Variants in VPS13C observed in about 807,000 individuals in gnomAD.
VPS13C encodes intermembrane lipid transfer protein VPS13C.
In VPS13C, 358 loss-of-function variants were observed where a neutral mutation model predicts 456.8. The observed-to-expected ratio is 0.78, with a 90% CI of 0.72 to 0.86. VPS13C has a LOEUF of 0.86. Among genes scored for constraint, VPS13C ranks in the 40% least tolerant of loss-of-function variants. The pLI is 0.00. For missense variants in VPS13C, 4,818 were observed against 4,385.4 expected (o/e 1.10, Z -2.79); for synonymous variants, 1,578 against 1,486.7 (o/e 1.06, Z -1.41).
In VPS13C at chr15:62,013,970, G is replaced by T. The variant is rs1002597019; in HGVS notation, c.707C>A (p.Pro236Gln). The T allele has an allele frequency of 1.9e-6, 3 of 1,610,210 alleles. No individual in the cohort carries two copies. The highest frequency in any genetic ancestry group is 2.7e-5 in the African/African-American group (2 of 74,758). The change falls in exon 10 of 85, where the codon CCA becomes CAA. Residue 236 changes from proline to glutamine, a missense_variant. This residue lies in a region of VPS13C where 4,552 missense variants were observed against 4,130.6 expected (regional missense o/e 1.10). Coordinates refer to ENST00000644861, the MANE Select transcript of VPS13C (RefSeq NM_020821.3). Reference sequence around the variant, plus strand: ...TTTGTCTGCTTCATTTAATATGCATGGAGTCCAGTGTTCATTTGCAGTCTA... The same window carrying T: ...TTTGTCTGCTTCATTTAATATGCATTGAGTCCAGTGTTCATTTGCAGTCTA... ...SLLTANEHWT[P>Q]CILNEADKII... is the part of the protein sequence containing the mutation.
At position 61,878,766 on chromosome 15, in the gene VPS13C, C is replaced by A. The variant is rs760165282; in HGVS notation, c.10003-20G>T. ...ATGCAACTAAAAGAAAAATAATGTT[C>A]AATAAATGAAAGCTAAAAGTGAAAA... On this transcript the variant is annotated intron_variant, in intron 73 of 84. Coordinates refer to ENST00000644861, the MANE Select transcript of VPS13C (RefSeq NM_020821.3). The A allele has an allele frequency of 6.3e-7, 1 of 1,589,968 alleles. No individual in the cohort carries two copies. The highest frequency in any genetic ancestry group is 8.6e-7 in the Non-Finnish European group (1 of 1,169,538).
chr15:62,035,238 GAATAGTCA>G (rs1567134057), intron 3 of VPS13C, among the ~76,000 whole-genome samples, 186 bp from the exon 4 acceptor site: 3 of 151,758 alleles, frequency 2.0e-5, no homozygotes, highest in African/African-American at 7.3e-5. Flanking sequence ...ACTATTAAGT[GAATAGTCA>G]CATTGTAATT....
chr15:61,904,700 T>G (rs563286234), intron 66 of VPS13C, among the ~76,000 whole-genome samples: 1 of 152,112 alleles, frequency 6.6e-6, no homozygotes, highest in Admixed American at 6.5e-5. Flanking sequence ...TGCAACACTA[T>G]TCACAATAGC....
intron 9 of VPS13C, among the ~76,000 whole-genome samples, chr15:62,016,782 T>C (rs2140538899): frequency 6.6e-6 from 1 of 152,288 alleles, no homozygotes; most frequent in South Asian, 2.1e-4. Context: ...TTTGGGTATA[T>C]ACCCAGTAAT....
chr15:61,983,635 T>C (rs2045950688), intron 20 of VPS13C, 185 bp downstream of exon 20: 3 of 579,080 alleles, frequency 5.2e-6, no homozygotes, highest in African/African-American at 3.8e-5. Context: ...GGGAAAAATG[T>C]ATTGCATATG....
At chr15:61,960,477 T>C (rs1254489028) in intron 35 of VPS13C, among the ~76,000 whole-genome samples, 1 of 152,170 alleles carries the variant, frequency 6.6e-6, no homozygotes, top group East Asian at 1.9e-4. Context: ...TTGACTGAAT[T>C]TCAGATTATA....
chr15:61,875,390 T>A (rs924885013), intron 76 of VPS13C, among the ~76,000 whole-genome samples: 23 of 151,968 alleles, frequency 1.5e-4, no homozygotes, highest in African/African-American at 5.6e-4. Context: ...GGGGAATAGG[T>A]TAGATGACAG....
intron 15 of VPS13C, among the ~76,000 whole-genome samples, chr15:62,003,279 C>A (rs1039537583): frequency 9.9e-5 from 15 of 151,072 alleles, no homozygotes; most frequent in African/African-American, 3.5e-4. Context: ...CTCTTTGAAT[C>A]AATTGTGAAT....
intron 74 of VPS13C, among the ~76,000 whole-genome samples, chr15:61,877,551 A>G (rs1895539948): frequency 6.6e-6 from 1 of 151,500 alleles, no homozygotes; most frequent in African/African-American, 2.4e-5. Context: ...TAATGATGCC[A>G]TGCGTATGTT....
chr15:62,037,466 T>TATATTA, intron 3 of VPS13C, among the ~76,000 whole-genome samples: 2 of 109,236 alleles, frequency 1.8e-5, no homozygotes, highest in African/African-American at 5.0e-5. Flanking sequence ...AAATATAATA[T>TATATTA]AATAAATTTA....
In VPS13C at chr15:61,881,792, C is replaced by A. The variant is rs375216345; in HGVS notation, c.9661G>T (p.Val3221Leu). 9 of 1,604,432 alleles carry A rather than the reference C, an allele frequency of 5.6e-6. No homozygotes were observed. In the East Asian group the frequency reaches 2.0e-4, roughly 36 times the overall value. Residue 3221 changes from valine to leucine, a missense_variant, in exon 70 of 85, where the codon GTA (valine) becomes TTA (leucine). Val to Leu is a conservative substitution (Grantham distance 32). Around this residue, in one of 3 missense-constraint regions of VPS13C, gnomAD observed 4,552 missense variants for 4,130.6 expected, o/e 1.10. Coordinates refer to ENST00000644861, the MANE Select transcript of VPS13C (RefSeq NM_020821.3). ...NQLPGAMFPV[V>L]FHPVAPPKSI... ...TTTGGAGGGGCAACAGGATGAAATA[C>A]AACAGGGAACATTGCACCTGGTAAC...
intron 12 of VPS13C, 78 bp downstream of exon 12, chr15:62,012,029 C>A: frequency 1.1e-6 from 1 of 895,836 alleles, no homozygotes; most frequent in Non-Finnish European, 1.7e-6. Flanking sequence ...GTAAGTTTAT[C>A]AGAAAACTAT....
At position 61,919,345 on chromosome 15, in the gene VPS13C, C is replaced by T. The variant is rs777308563; in HGVS notation, c.7582G>A (p.Val2528Ile). The change falls in exon 58 of 85, where the codon GTA (valine) becomes ATA (isoleucine). Residue 2528 changes from valine to isoleucine, a missense_variant. Coordinates refer to ENST00000644861, the MANE Select transcript of VPS13C (RefSeq NM_020821.3). ...TTCCCTTCAGTTGCATCAATTTGTA[C>T]CAAGACAGAGTCAGAATGACTGGCA... is the stretch of plus-strand genomic sequence containing the variant. ...PNASHSDSVL[V>I]QIDATEGNKV... 2 of 1,606,190 alleles carry T rather than the reference C, an allele frequency of 1.2e-6. No homozygotes were observed. Among genetic ancestry groups the T allele is most frequent in the Non-Finnish European group, 1.7e-6 (2 of 1,176,746 alleles).
Position 61,991,720 on chromosome 15 carries a change from C to A in VPS13C, c.1436G>T (p.Gly479Val), listed in dbSNP as rs985861926. The change falls in exon 17 of 85, where the codon GGT becomes GTT. Residue 479 changes from glycine to valine, a missense_variant. Gly to Val is a moderately radical substitution (Grantham distance 109). Transcript: ENST00000644861. ...KRGGWFSGLW[G>V]KKESKKKDEE... ...GTCCTTTTTCTTAGACTCTTTCTTA[C>A]CCCACAACCCACTAAACCAGCCTCC... 6 of 1,613,438 alleles carry A rather than the reference C, an allele frequency of 3.7e-6. No individual in the cohort carries two copies. Among genetic ancestry groups the A allele is most frequent in the Non-Finnish European group, 5.1e-6 (6 of 1,179,692 alleles).
rs1196325607 is a variant in VPS13C at position 61,984,912 on chromosome 15, G to T, written c.1666C>A (p.Gln556Lys). The change falls in exon 19 of 85, where the codon CAG becomes AAG. Residue 556 changes from glutamine to lysine, a missense_variant. Around this residue, in one of 3 missense-constraint regions of VPS13C, gnomAD observed 4,552 missense variants for 4,130.6 expected, o/e 1.10. Coordinates refer to ENST00000644861, the MANE Select transcript of VPS13C (RefSeq NM_020821.3). ...ACTTGAGTGCCCAGGCCAATTATCT[G>T]AATTTTTAGTATTTCTGGAATATTC... is the stretch of plus-strand genomic sequence containing the variant. The part of the protein sequence containing the change: ...NKNIPEILKI[Q>K]IIGLGTQVSQ... 6.2e-7 allele frequency: 1 copy of T among 1,612,460 alleles called. No homozygotes were observed. The highest frequency in any genetic ancestry group is 8.5e-7 in the Non-Finnish European group (1 of 1,179,492).
intron 27 of VPS13C, among the ~76,000 whole-genome samples, chr15:61,970,859 TAAA>T (rs71125959): frequency 0.032 from 3,981 of 125,808 alleles, 82 homozygotes; most frequent in African/African-American, 0.074. Context: ...GAAGTTAGTT[TAAA>T]AAAAAAAAAA....
intron 63 of VPS13C, 141 bp downstream of exon 63, chr15:61,911,697 AAG>A (rs1043502246): frequency 3.5e-6 from 3 of 846,036 alleles, no homozygotes; most frequent in Non-Finnish European, 3.3e-6. Flanking sequence ...AAAATATAGT[AAG>A]AGAAAAATCT....
chr15:61,873,361 C>T lies in VPS13C; in HGVS notation c.10463G>A (p.Gly3488Asp). 1 of 1,613,728 alleles carries T rather than the reference C, an allele frequency of 6.2e-7. No homozygotes were observed. Among genetic ancestry groups the T allele is most frequent in the Non-Finnish European group, 8.5e-7 (1 of 1,179,754 alleles). Residue 3488 changes from glycine (G) to aspartate (D), a missense_variant, in exon 78 of 85, where the codon GGT becomes GAT. Coordinates refer to ENST00000644861, the MANE Select transcript of VPS13C (RefSeq NM_020821.3). ...CTTGTCCATTGTAATTGCTGCCAAA[C>T]CTTTCCCAACAGAACCGGTGATTCG... ...VSRITGSVGK[G>D]LAAITMDKEY...
chr15:62,024,825 A>G (rs1156841429), intron 6 of VPS13C, among the ~76,000 whole-genome samples: 2 of 152,192 alleles, frequency 1.3e-5, no homozygotes, highest in East Asian at 3.9e-4. Context: ...TTTCCCAAAC[A>G]AGCCATACTT....
Sources: gnomAD v4.1 joint callset for allele counts (sites outside exome capture counted in the v4.1 genomes callset) on GRCh38, gnomAD v4.1.1 for gene constraint, gnomAD v4.1.1 regional missense constraint, MANE v1.5 for transcripts, NCBI Gene and HGNC (gene_info 2026-07-23, HGNC 2026-07-21) for gene names.